Variants in CDH13 observed in about 807,000 individuals in gnomAD.
The protein encoded by CDH13 is cadherin-13.
Under a neutral mutation model 63.8 loss-of-function variants are expected in CDH13, and 24 were observed. That is an observed-to-expected ratio of 0.38 (90% CI 0.27 to 0.53). The LOEUF is 0.53. CDH13 is among the 20% of genes least tolerant of loss of function. CDH13 has a pLI of 0.85. For synonymous variants in CDH13, 503 were observed against 355.3 expected (o/e 1.42, Z -4.67); for missense variants, 1,049 against 903.1 (o/e 1.16, Z -2.07).
chr16:83,008,011 T>C (rs1356245268), intron 2 of CDH13, among the ~76,000 whole-genome samples: 1 of 152,182 alleles, frequency 6.6e-6, no homozygotes, highest in Non-Finnish European at 1.5e-5. Context: ...CATTAAGTGA[T>C]TGATGGATCA....
chr16:83,278,128 G>A (rs965435722), intron 5 of CDH13, among the ~76,000 whole-genome samples: 4 of 152,098 alleles, frequency 2.6e-5, no homozygotes, highest in African/African-American at 9.7e-5. Flanking sequence ...AAAAAAAAAT[G>A]CATTATATTT....
In CDH13 at chr16:83,047,424, G is replaced by T. The variant is rs754505387; in HGVS notation, c.366+15206G>T. Among the ~76,000 whole-genome samples, 1 of 152,106 alleles carries T rather than the reference G, an allele frequency of 6.6e-6. No homozygotes were observed. Among genetic ancestry groups the T allele is most frequent in the African/African-American group, 2.4e-5 (1 of 41,420 alleles). Reference sequence around the variant, plus strand: ...ATTTGGCCCTTGTTAACAAAGCCTAGTCTGTAAGAGCGTGACCACCAGTCT... The same window carrying T: ...ATTTGGCCCTTGTTAACAAAGCCTATTCTGTAAGAGCGTGACCACCAGTCT... On this transcript the variant is annotated intron_variant, in intron 3 of 13. Coordinates refer to ENST00000567109, the MANE Select transcript of CDH13 (RefSeq NM_001257.5). This position sits in a 1 kb window ranked among gnomAD's most constrained non-coding sequence, Gnocchi z 4.9.
chr16:83,174,276 T>C (rs2038036000), intron 4 of CDH13, among the ~76,000 whole-genome samples: 1 of 152,088 alleles, frequency 6.6e-6, no homozygotes, highest in South Asian at 2.1e-4. Context: ...ATCCATCCCT[T>C]CCAATTAATG....
At position 83,766,729 on chromosome 16, in the gene CDH13, G is replaced by A. The variant is rs1248159091; in HGVS notation, c.1682-13239G>A. Among the ~76,000 whole-genome samples the A allele has an allele frequency of 2.0e-5, 3 of 152,174 alleles. No homozygotes were observed. The East Asian group carries it at 5.8e-4, about 29-fold the overall frequency. On this transcript the variant is annotated intron_variant, in intron 11 of 13. Coordinates refer to ENST00000567109, the MANE Select transcript of CDH13 (RefSeq NM_001257.5). ...AAACCAACCCATCTGATATGGTTTG[G>A]CTGTGTCCCCACCCAGAATCTCTTC...
chr16:82,899,839 T>C (rs545856485), intron 2 of CDH13, among the ~76,000 whole-genome samples: 1 of 152,292 alleles, frequency 6.6e-6, no homozygotes, highest in Admixed American at 6.5e-5. Context: ...GAAGTAGAGT[T>C]CTCTTTGCTG....
At chr16:83,481,046 T>A (rs147417926) in intron 6 of CDH13, among the ~76,000 whole-genome samples, 22 of 152,296 alleles carry the variant, frequency 1.4e-4, no homozygotes, top group African/African-American at 5.3e-4. Flanking sequence ...TGATTGGAAT[T>A]AGAACTCACT....
chr16:83,036,566 C>G (rs191825745), intron 3 of CDH13, among the ~76,000 whole-genome samples: 86 of 152,224 alleles, frequency 5.6e-4, no homozygotes, highest in African/African-American at 1.9e-3. Context: ...GGCCTGCAAC[C>G]CAGAATGCCA....
At chr16:82,909,605 A>C (rs2041764264) in intron 2 of CDH13, among the ~76,000 whole-genome samples, 1 of 152,102 alleles carries the variant, frequency 6.6e-6, no homozygotes, top group African/African-American at 2.4e-5. Flanking sequence ...GCAACGTCAC[A>C]TCTTTTGTGG....
chr16:82,843,416 G>C (rs913974567), intron 1 of CDH13, among the ~76,000 whole-genome samples: 3 of 152,198 alleles, frequency 2.0e-5, no homozygotes, highest in Non-Finnish European at 4.4e-5. Flanking sequence ...CTACCAGGCA[G>C]TTAGATTTTA....
At chr16:83,083,530 G>A (rs2033397555) in intron 3 of CDH13, among the ~76,000 whole-genome samples, 1 of 152,164 alleles carries the variant, frequency 6.6e-6, no homozygotes, top group African/African-American at 2.4e-5. Context: ...GTATCACAGA[G>A]CTAGTGAGTA....
chr16:83,288,801 A>G (rs1293264914), intron 5 of CDH13, among the ~76,000 whole-genome samples: 1 of 152,240 alleles, frequency 6.6e-6, no homozygotes, highest in Admixed American at 6.5e-5. Flanking sequence ...ATCACTTGAA[A>G]TGTAGGGTCT....
At chr16:82,907,533 A>G (rs1234291327) in intron 2 of CDH13, among the ~76,000 whole-genome samples, 1 of 152,224 alleles carries the variant, frequency 6.6e-6, no homozygotes, top group Non-Finnish European at 1.5e-5. Context: ...GGTCAGTTAT[A>G]TATTTTTCTT....
At chr16:82,951,979 G>A (rs1017056471) in intron 2 of CDH13, among the ~76,000 whole-genome samples, 67 of 152,200 alleles carry the variant, frequency 4.4e-4, no homozygotes, top group African/African-American at 1.5e-3. Flanking sequence ...CAACAGGGTC[G>A]TCATCTCAAC....
At chr16:82,915,799 C>T (rs2151272683) in intron 2 of CDH13, among the ~76,000 whole-genome samples, 1 of 150,310 alleles carries the variant, frequency 6.7e-6, no homozygotes, top group African/African-American at 2.4e-5. Context: ...TTTAAGGTAC[C>T]CTCTGACATA....
chr16:83,591,367 G>T (rs1315110643), intron 7 of CDH13, among the ~76,000 whole-genome samples: 1 of 152,160 alleles, frequency 6.6e-6, no homozygotes, highest in Non-Finnish European at 1.5e-5. Context: ...TTTTACTTCA[G>T]TGTTACAATC....
At chr16:83,708,351 C>T (rs901398389) in intron 10 of CDH13, among the ~76,000 whole-genome samples, 7 of 152,216 alleles carry the variant, frequency 4.6e-5, no homozygotes, top group Non-Finnish European at 1.5e-5. Flanking sequence ...ATTATAATGG[C>T]ATTAGCCAGA....
chr16:82,835,261 C>T (rs184875484), intron 1 of CDH13, among the ~76,000 whole-genome samples: 8 of 152,288 alleles, frequency 5.3e-5, no homozygotes, highest in East Asian at 3.9e-4. Context: ...CACATGTGAC[C>T]GGTGGCTGCC....
chr16:82,940,416 T>C (rs1462970858), intron 2 of CDH13, among the ~76,000 whole-genome samples: 2 of 151,998 alleles, frequency 1.3e-5, no homozygotes. Flanking sequence ...TGAGGTTGAG[T>C]CCAAACCTTA....
rs565408467 is a variant in CDH13 at position 83,315,289 on chromosome 16, C to T, written c.637-29573C>T. 1.3e-3 allele frequency among the ~76,000 whole-genome samples: 195 copies of T among 152,330 alleles called. 1 individual carries two copies. Among genetic ancestry groups the T allele is most frequent in the Middle Eastern group, 3.4e-3 (1 of 294 alleles). ...AACATTCAGAGTGCTGAGAATGCTGCTGCAAGTGGAATTTACTTATCAGAA... is the reference window on the plus strand; with the variant it reads ...AACATTCAGAGTGCTGAGAATGCTGTTGCAAGTGGAATTTACTTATCAGAA... On this transcript the variant is annotated intron_variant, in intron 5 of 13. Transcript: ENST00000567109.
Sources: gnomAD v4.1 joint callset for allele counts (sites outside exome capture counted in the v4.1 genomes callset) on GRCh38, gnomAD v4.1.1 for gene constraint, Gnocchi (gnomAD v3.1) non-coding constraint, MANE v1.5 for transcripts, NCBI Gene and HGNC (gene_info 2026-07-23, HGNC 2026-07-21) for gene names.